Variants in PCDH15 observed in about 807,000 individuals in gnomAD.
The protein encoded by PCDH15 is protocadherin related 15, also known as protocadherin-15.
A neutral mutation model predicts 178.5 loss-of-function variants in PCDH15; 129 were observed. The ratio of observed to expected loss-of-function variants is 0.72; its 90% CI spans 0.63 to 0.84. The LOEUF (loss-of-function observed/expected upper bound fraction) is 0.84, where lower values mean the gene tolerates loss of function less well. Among genes scored for constraint, PCDH15 ranks in the 40% least tolerant of loss-of-function variants. PCDH15 has a pLI of 0.00. For missense variants in PCDH15, 2,230 were observed against 2,099.9 expected (o/e 1.06, Z -1.21); for synonymous variants, 800 against 732.0 (o/e 1.09, Z -1.50).
chr10:54,189,278 T>G, intron 11 of PCDH15: 1 of 1,028,192 alleles, frequency 9.7e-7, no homozygotes. Flanking sequence ...AATACCTACG[T>G]GTTTTAGTGA....
chr10:54,526,671 T>C (rs1212263702), intron 3 of PCDH15, among the ~76,000 whole-genome samples: 2 of 152,216 alleles, frequency 1.3e-5, no homozygotes, highest in East Asian at 3.8e-4. Flanking sequence ...ATCAAAATGT[T>C]CACATTTTTG....
At chr10:54,445,486 G>A (rs1305574291) in intron 3 of PCDH15, among the ~76,000 whole-genome samples, 1 of 151,450 alleles carries the variant, frequency 6.6e-6, no homozygotes, top group Non-Finnish European at 1.5e-5. Context: ...GGTTAAGAGC[G>A]TACTTTAGGC....
chr10:55,045,831 C>T (rs1488282996), intron 2 of PCDH15, among the ~76,000 whole-genome samples: 8 of 151,872 alleles, frequency 5.3e-5, no homozygotes, highest in African/African-American at 1.2e-4. Flanking sequence ...GATAATTTTC[C>T]GCTATCATCC....
intron 34 of PCDH15, 114 bp downstream of exon 34, chr10:53,817,881 T>C (rs189212636): frequency 2.9e-4 from 115 of 396,772 alleles, no homozygotes; most frequent in Middle Eastern, 1.9e-3. Flanking sequence ...CTAATATGTT[T>C]TTGCTGAAAT....
intron 20 of PCDH15, among the ~76,000 whole-genome samples, chr10:54,012,218 C>A (rs1159232065): frequency 6.6e-6 from 1 of 151,748 alleles, no homozygotes; most frequent in Non-Finnish European, 1.5e-5. Flanking sequence ...TCTGAACTAA[C>A]TAAGAAGGAC....
chr10:55,212,213 A>G (rs74136394), intron 1 of PCDH15, among the ~76,000 whole-genome samples: 1 of 152,138 alleles, frequency 6.6e-6, no homozygotes, highest in Non-Finnish European at 1.5e-5. Flanking sequence ...CAGGTGGCAC[A>G]TCTAGTCCTA....
Position 54,388,104 on chromosome 10 carries a change from CAG to C in PCDH15, c.158-9164_158-9163del, listed in dbSNP as rs1211924220. On this transcript the variant is annotated intron_variant, in intron 3 of 37. Coordinates refer to ENST00000644397, the MANE Select transcript of PCDH15 (RefSeq NM_001384140.1). ...ACTTAATACCACTGAACTGTACACT[CAG>C]ATATGTTTACATCTGTTCCTCTTGC... 2.6e-5 allele frequency among the ~76,000 whole-genome samples: 4 copies of C among 151,724 alleles called. No homozygotes were observed. The Middle Eastern group carries it at 0.01, about 387-fold the overall frequency.
chr10:54,489,645 A>C (rs555414928), intron 3 of PCDH15, among the ~76,000 whole-genome samples: 13 of 152,318 alleles, frequency 8.5e-5, no homozygotes, highest in Admixed American at 2.0e-4. Context: ...AGAGATGTAC[A>C]TATACATATT....
chr10:55,568,436 A>G (rs1842345817), intron 2 of PCDH15, among the ~76,000 whole-genome samples: 1 of 152,028 alleles, frequency 6.6e-6, no homozygotes, highest in South Asian at 2.1e-4. Flanking sequence ...TAAAGATTGT[A>G]AGAGTTCTGG....
chr10:53,967,320 T>A (rs956298684), intron 21 of PCDH15, among the ~76,000 whole-genome samples: 1 of 152,178 alleles, frequency 6.6e-6, no homozygotes, highest in African/African-American at 2.4e-5. Context: ...GAACTGTGAG[T>A]CAACTAAAAC....
At chr10:54,357,445 C>T (rs1459590620) in intron 5 of PCDH15, among the ~76,000 whole-genome samples, 2 of 152,078 alleles carry the variant, frequency 1.3e-5, no homozygotes, top group Non-Finnish European at 2.9e-5. Flanking sequence ...ACCTAGGAAT[C>T]CAACTTACAA....
chr10:53,887,987 T>G (rs1479700492), intron 26 of PCDH15, among the ~76,000 whole-genome samples: 1 of 151,804 alleles, frequency 6.6e-6, no homozygotes, highest in Non-Finnish European at 1.5e-5. Flanking sequence ...AAGAAAACAG[T>G]CATTAAAAAC....
chr10:55,599,917 T>G, intron 2 of PCDH15: 1 of 1,527,434 alleles, frequency 6.5e-7, no homozygotes, highest in South Asian at 1.2e-5. Context: ...CACCAGGGTT[T>G]AGCTGTCTCT....
Position 55,185,710 on chromosome 10 carries a change from C to A in PCDH15, c.-155-19059G>T, listed in dbSNP as rs141715574. Among the ~76,000 whole-genome samples the A allele has an allele frequency of 6.2e-3, 939 of 151,726 alleles. 9 individuals carry two copies. The highest frequency in any genetic ancestry group is 0.02 in the South Asian group (97 of 4,826). ...TTTTGTTTTCTATGCATGAACAGAACACCTTGACAGGTTTTCTCAGTTTTG... is the reference window on the plus strand; with the variant it reads ...TTTTGTTTTCTATGCATGAACAGAAAACCTTGACAGGTTTTCTCAGTTTTG... On this transcript the variant is annotated intron_variant, in intron 1 of 5. Transcript: ENST00000458638.
chr10:55,296,654 G>A (rs12415461), intron 1 of PCDH15, among the ~76,000 whole-genome samples: 6,364 of 152,160 alleles, frequency 0.042, 176 homozygotes, highest in East Asian at 0.092. Flanking sequence ...ATTTTATTCC[G>A]TCACAGAAGC....
intron 3 of PCDH15, among the ~76,000 whole-genome samples, chr10:54,457,411 G>A (rs183066645): frequency 6.6e-6 from 1 of 152,138 alleles, no homozygotes; most frequent in East Asian, 1.9e-4. Context: ...ACCTCTGGAC[G>A]CTTTATTCTT....
At chr10:54,083,707 T>G (rs528233276) in intron 16 of PCDH15, among the ~76,000 whole-genome samples, 1 of 152,168 alleles carries the variant, frequency 6.6e-6, no homozygotes, top group African/African-American at 2.4e-5. Flanking sequence ...TAGACAGAGT[T>G]GGTAGGTGCA....
At chr10:53,906,876 C>G (rs1234320012) in intron 25 of PCDH15, 1 of 151,692 alleles carries the variant, frequency 6.6e-6, no homozygotes, top group Non-Finnish European at 1.5e-5. Context: ...GACACATTAC[C>G]TGACTGTCCT....
At chr10:55,350,798 C>T (rs764237840) in intron 2 of PCDH15, among the ~76,000 whole-genome samples, 18 of 151,852 alleles carry the variant, frequency 1.2e-4, no homozygotes, top group Admixed American at 3.9e-4. Context: ...TTTTTCTTTT[C>T]TTGTTTTTTT....
Sources: gnomAD v4.1 joint callset for allele counts (sites outside exome capture counted in the v4.1 genomes callset) on GRCh38, gnomAD v4.1.1 for gene constraint, MANE v1.5 for transcripts, NCBI Gene and HGNC (gene_info 2026-07-23, HGNC 2026-07-21) for gene names.